The following PRKDC variants were observed in gnomAD, a reference collection of about 807,000 sequenced individuals.
PRKDC encodes the protein DNA-dependent protein kinase catalytic subunit.
In PRKDC, 82 loss-of-function variants were observed where a neutral mutation model predicts 486.9. That is an observed-to-expected ratio of 0.17 (90% CI 0.14 to 0.20). PRKDC has a LOEUF of 0.20. Among genes scored for constraint, PRKDC ranks in the 10% least tolerant of loss-of-function variants. PRKDC has a pLI of 1.00. For synonymous variants in PRKDC, 1,895 were observed against 1,837.0 expected, an observed-to-expected ratio of 1.03 and a Z score of -0.81; for missense variants, 4,504 against 5,038.2, an observed-to-expected ratio of 0.89 and a Z score of 3.21.
In PRKDC at chr8:47,821,718, A is replaced by G. The variant is rs2087600731; in HGVS notation, c.8997T>C (p.Leu2999=). Reference sequence around the variant, plus strand: ...ACTCAGCAAGGTGGTTGTAACAGTCAAGGGATGCAAGTTCCCAAAAATCCT... The same window carrying G: ...ACTCAGCAAGGTGGTTGTAACAGTCGAGGGATGCAAGTTCCCAAAAATCCT... ...AEKDFWELAS[L]DCYNHLAEWK... The change falls in exon 65 of 86, where the codon CTT becomes CTC. Residue 2999 remains leucine, a synonymous_variant. Transcript: ENST00000314191. 6.3e-7 allele frequency: 1 copy of G among 1,599,664 alleles called. No homozygotes were observed. Among genetic ancestry groups the G allele is most frequent in the Admixed American group, 1.7e-5 (1 of 57,896 alleles).
In PRKDC at chr8:47,924,531, G is replaced by A. The variant is rs1047576438; in HGVS notation, c.2419+2663C>T. Reference sequence around the variant, plus strand: ...GCCAAGATTGCACCACTGCTCTCCCGCCTGGGAAACAGAGTGAGACTCTGT... The same window carrying A: ...GCCAAGATTGCACCACTGCTCTCCCACCTGGGAAACAGAGTGAGACTCTGT... On this transcript the variant is annotated intron_variant, in intron 21 of 85. Coordinates refer to ENST00000314191, the MANE Select transcript of PRKDC (RefSeq NM_006904.7). 1.4e-4 allele frequency among the ~76,000 whole-genome samples: 22 copies of A among 151,940 alleles called. 1 individual carries two copies. Among genetic ancestry groups the A allele is most frequent in the Admixed American group, 7.9e-4 (12 of 15,250 alleles).
chr8:47,828,904 A>G (rs1563755534), intron 61 of PRKDC, among the ~76,000 whole-genome samples: 1 of 152,208 alleles, frequency 6.6e-6, no homozygotes, highest in Admixed American at 6.5e-5. Flanking sequence ...TCTTCTGAGC[A>G]TCAGCTCCCG....
At chr8:47,777,410 T>G (rs796890392) in intron 84 of PRKDC, among the ~76,000 whole-genome samples, 3 of 152,264 alleles carry the variant, frequency 2.0e-5, no homozygotes, top group African/African-American at 7.2e-5. Context: ...GGTTTTACCA[T>G]GTTGGCCAGG....
At chr8:47,791,914 T>C (rs1214622599) in intron 74 of PRKDC, among the ~76,000 whole-genome samples, 1 of 152,158 alleles carries the variant, frequency 6.6e-6, no homozygotes, top group Non-Finnish European at 1.5e-5. Context: ...TGCAGCACTA[T>C]TCACAACGGC....
intron 10 of PRKDC, 38 bp downstream of exon 10, chr8:47,943,171 A>C: frequency 6.3e-7 from 1 of 1,595,306 alleles, no homozygotes; most frequent in Non-Finnish European, 8.5e-7. Flanking sequence ...TCTGTGTGTG[A>C]AAGAAATATT....
chr8:47,957,396 C>A lies in PRKDC; in HGVS notation c.190G>T (p.Gly64Cys). 6.3e-7 allele frequency: 1 copy of A among 1,594,602 alleles called. No homozygotes were observed. The highest frequency in any genetic ancestry group is 1.1e-5 in the South Asian group (1 of 88,086). ...GACTTCCGGACAAATACAAGCAAACCGAAATCTCTGGAAAAAACTAAAGAT... is the reference window on the plus strand; with the variant it reads ...GACTTCCGGACAAATACAAGCAAACAGAAATCTCTGGAAAAAACTAAAGAT... ...QTSLVFSRDF[G>C]LLVFVRKSLN... The change falls in exon 2 of 86, where the codon GGT becomes TGT. Residue 64 changes from glycine (G) to cysteine (C), a missense_variant. Physicochemically the swap from Gly to Cys is radical, Grantham distance 159. Around this residue, in one of 6 missense-constraint regions of PRKDC, gnomAD observed 145 missense variants for 136.3 expected, o/e 1.06. Transcript: ENST00000314191.
intron 10 of PRKDC, 119 bp downstream of exon 10, chr8:47,943,090 T>TA: frequency 3.2e-6 from 4 of 1,268,472 alleles, no homozygotes; most frequent in Non-Finnish European, 4.3e-6. Context: ...CTTTCTGCTT[T>TA]AAATACTACA....
intron 36 of PRKDC, among the ~76,000 whole-genome samples, chr8:47,882,782 C>A (rs1313232100): frequency 2.0e-5 from 3 of 152,252 alleles, no homozygotes; most frequent in African/African-American, 4.8e-5. Flanking sequence ...CACAGATGTT[C>A]CAAGTAGAAA....
chr8:47,942,985 T>C (rs1399626684), intron 10 of PRKDC, among the ~76,000 whole-genome samples: 3 of 152,198 alleles, frequency 2.0e-5, no homozygotes, highest in African/African-American at 7.2e-5. Flanking sequence ...CCATTACACT[T>C]GTCTCAATCT....
intron 7 of PRKDC, among the ~76,000 whole-genome samples, chr8:47,950,507 T>C (rs2090609712): frequency 6.6e-6 from 1 of 150,840 alleles, no homozygotes; most frequent in Non-Finnish European, 1.5e-5. Context: ...CGGGTGCCTG[T>C]AGTCCCAGCT....
rs747319015 is a variant in PRKDC, at chr8:47,859,630, G to T, written c.6188C>A (p.Thr2063Asn). ...SYSSQDPRPA[T>N]GRFRRREQRD... is the part of the protein sequence containing the mutation. ...GATCACCCGTCTCCGAAAACGACCAGTGGCAGGTCTAGGGTCTTGGGAGCT... is the reference window on the plus strand; with the variant it reads ...GATCACCCGTCTCCGAAAACGACCATTGGCAGGTCTAGGGTCTTGGGAGCT... Residue 2063 changes from threonine (T) to asparagine (N), a missense_variant, in exon 46 of 86, where the codon ACT (threonine) becomes AAT (asparagine). Thr to Asn is a moderately conservative substitution (Grantham distance 65). Around this residue, in one of 6 missense-constraint regions of PRKDC, gnomAD observed 1,592 missense variants for 1,724.6 expected, o/e 0.92. Coordinates refer to ENST00000314191, the MANE Select transcript of PRKDC (RefSeq NM_006904.7). The T allele has an allele frequency of 1.2e-6, 2 of 1,610,344 alleles. No homozygotes were observed. The highest frequency in any genetic ancestry group is 1.7e-6 in the Non-Finnish European group (2 of 1,179,012).
At chr8:47,842,253 T>C (rs1442346155) in intron 54 of PRKDC, among the ~76,000 whole-genome samples, 1 of 151,796 alleles carries the variant, frequency 6.6e-6, no homozygotes, top group Admixed American at 6.6e-5. Flanking sequence ...GGTGAGGGGG[T>C]CATCTCCCTT....
At chr8:47,868,284 A>T (rs1345565244) in intron 40 of PRKDC, among the ~76,000 whole-genome samples, 1 of 152,040 alleles carries the variant, frequency 6.6e-6, no homozygotes, top group Non-Finnish European at 1.5e-5. Context: ...AATTCCGGGT[A>T]TGGCGGCTCA....
chr8:47,948,626 A>AT (rs1481108418), intron 7 of PRKDC, among the ~76,000 whole-genome samples: 1 of 150,992 alleles, frequency 6.6e-6, no homozygotes, highest in Non-Finnish European at 1.5e-5. Flanking sequence ...CGCCCAGCTA[A>AT]TTTTTTGTAT....
chr8:47,939,734 T>G, intron 10 of PRKDC, 37 bp from the exon 11 acceptor site: 1 of 1,464,752 alleles, frequency 6.8e-7, no homozygotes, highest in Non-Finnish European at 9.2e-7. Context: ...TGGAAATATT[T>G]AATAGCAATG....
At chr8:47,958,390 T>C (rs542096081) in intron 1 of PRKDC, among the ~76,000 whole-genome samples, 7 of 152,322 alleles carry the variant, frequency 4.6e-5, no homozygotes, top group Non-Finnish European at 8.8e-5. Flanking sequence ...TGGTGAGACC[T>C]GTGTGGGATT....
At chr8:47,889,656 T>C (rs541793742) in intron 32 of PRKDC, among the ~76,000 whole-genome samples, 1 of 152,362 alleles carries the variant, frequency 6.6e-6, no homozygotes, top group South Asian at 2.1e-4. Context: ...CTATAAATAT[T>C]TGCGAGTGTG....
intron 31 of PRKDC, among the ~76,000 whole-genome samples, chr8:47,892,333 G>GAAACACA (rs2089479080): frequency 6.6e-6 from 1 of 152,068 alleles, no homozygotes; most frequent in African/African-American, 2.4e-5. Flanking sequence ...TAGTAACACA[G>GAAACACA]AAGAAAATTT....
chr8:47,887,746 T>C (rs1472646842), intron 34 of PRKDC, 41 bp from the exon 35 acceptor site: 22 of 1,542,494 alleles, frequency 1.4e-5, no homozygotes, highest in East Asian at 7.0e-5. Flanking sequence ...CAAAAAGATA[T>C]TTCTTAGAAA....
Sources: allele counts gnomAD v4.1 joint callset (sites outside exome capture counted in the v4.1 genomes callset), GRCh38; gene constraint gnomAD v4.1.1; regional missense constraint gnomAD v4.1.1; transcripts MANE v1.5; gene names NCBI Gene and HGNC (gene_info 2026-07-23, HGNC 2026-07-21).